RGMA: variants seen among roughly 807,000 people sequenced by gnomAD.
The protein encoded by RGMA is repulsive guidance molecule A.
RGMA carries 10 observed loss-of-function variants against 23.2 expected under a neutral mutation model. The observed-to-expected ratio is 0.43, with a 90% CI of 0.27 to 0.73. The LOEUF is 0.73. RGMA is among the 30% of genes least tolerant of loss of function. The pLI is 0.20. For missense variants in RGMA, 547 were observed against 630.5 expected (o/e 0.87, Z 1.42); for synonymous variants, 308 against 279.3 (o/e 1.10, Z -1.03).
intron 1 of RGMA, among the ~76,000 whole-genome samples, chr15:93,086,399 G>T (rs916248423): frequency 6.6e-6 from 1 of 152,210 alleles, no homozygotes; most frequent in African/African-American, 2.4e-5. Flanking sequence ...CAGGCTTCTT[G>T]ATGGATCGGT....
At chr15:93,066,765 G>A (rs1471904996) in intron 2 of RGMA, among the ~76,000 whole-genome samples, 1 of 152,142 alleles carries the variant, frequency 6.6e-6, no homozygotes, top group Non-Finnish European at 1.5e-5. Context: ...CACCCGCCTC[G>A]GCCTCCCAAA....
intron 2 of RGMA, among the ~76,000 whole-genome samples, chr15:93,057,008 TC>T (rs1165239332): frequency 2.0e-5 from 3 of 152,070 alleles, no homozygotes; most frequent in Admixed American, 1.3e-4. Flanking sequence ...CTGGTGAAGC[TC>T]CAGCAGATGT....
chr15:93,038,589 A>C lies in RGMA; in HGVS notation c.*6409T>G, dbSNP rs1196766263. The C allele has an allele frequency of 1.9e-5, 1 of 52,820 alleles. No individual in the cohort carries two copies. Among genetic ancestry groups the C allele is most frequent in the South Asian group, 3.9e-4 (1 of 2,588 alleles). The allele number at this position is 52,820 out of a possible 1,614,324, so 3.3% of individuals were successfully genotyped here. A position where few individuals can be genotyped will look rare whatever the true frequency, so the allele number is the denominator to read the frequency against. ...TAGTTGTTTTTTTTTTTTTTTTGAG[A>C]CGGTGTCTTGCTCTGTCGCCCAGGC... On this transcript the variant is annotated 3_prime_UTR_variant, in exon 4 of 4. Transcript: ENST00000329082.
rs565129238 is a variant in RGMA at position 93,044,689 on chromosome 15, C to T, written c.*309G>A. 2.4e-6 allele frequency: 1 copy of T among 417,144 alleles called. No homozygotes were observed. The highest frequency in any genetic ancestry group is 2.1e-5 in the African/African-American group (1 of 47,650). 25.8% of individuals were successfully genotyped at this position (417,144 alleles called of 1,614,324 possible). ...GACTCTGACGGTTCCCAGTGTGTCT[C>T]TGGTGGGGGTGGGGGGCTTCAGCCT... On this transcript the variant is annotated 3_prime_UTR_variant, in exon 4 of 4. Transcript: ENST00000329082.
intron 2 of RGMA, among the ~76,000 whole-genome samples, chr15:93,066,933 T>TC (rs1895175927): frequency 6.6e-6 from 1 of 152,228 alleles, no homozygotes; most frequent in Admixed American, 6.5e-5. Flanking sequence ...CGGGAAAACC[T>TC]CTCTGACCCT....
At chr15:93,066,518 G>A (rs947606987) in intron 2 of RGMA, 2 of 492,016 alleles carry the variant, frequency 4.1e-6, no homozygotes, top group Non-Finnish European at 7.7e-6. Context: ...AGGCGACTCC[G>A]CCCCTGCCAC....
chr15:93,064,360 T>A (rs1420780471), intron 2 of RGMA, among the ~76,000 whole-genome samples: 2 of 152,248 alleles, frequency 1.3e-5, no homozygotes, highest in East Asian at 3.8e-4. Context: ...ACTTTGGTCC[T>A]CCAGCTTTGA....
intron 2 of RGMA, among the ~76,000 whole-genome samples, chr15:93,060,897 G>A (rs1738673999): frequency 6.6e-6 from 1 of 152,226 alleles, no homozygotes; most frequent in Non-Finnish European, 1.5e-5. Context: ...AGTCACATAG[G>A]AAAGGCTGAA....
In RGMA at chr15:93,045,736, T is replaced by C; in HGVS notation, c.646-31A>G. ...GGGGAAAGGGGCAGAGGAGAGTGGG[T>C]GAGGCACAGTGGGAGGAGGCACAGC... On this transcript the variant is annotated intron_variant, in intron 3 of 3. Transcript: ENST00000329082. This position sits in a 1 kb window ranked among gnomAD's most constrained non-coding sequence, Gnocchi z 6.9. The C allele has an allele frequency of 6.6e-7, 1 of 1,511,270 alleles. No individual in the cohort carries two copies. Among genetic ancestry groups the C allele is most frequent in the East Asian group, 2.3e-5 (1 of 44,314 alleles). 93.6% of individuals were successfully genotyped at this position (1,511,270 alleles called of 1,614,324 possible). A position where few individuals can be genotyped will look rare whatever the true frequency, so the allele number is the denominator to read the frequency against.
Position 93,041,384 on chromosome 15 carries a change from C to G in RGMA, c.*3614G>C, listed in dbSNP as rs571526855. 1.2e-4 allele frequency: 19 copies of G among 152,370 alleles called. No homozygotes were observed. The highest frequency in any genetic ancestry group is 4.3e-4 in the African/African-American group (18 of 41,586). The allele number at this position is 152,370 out of a possible 1,614,324, so 9.4% of individuals were successfully genotyped here. ...ACCTCCAGAGGCTCCCAACCTAGCC[C>G]GTCCTGCAAGATGAAGCTGCTTCTT... is the stretch of plus-strand genomic sequence containing the variant. On this transcript the variant is annotated 3_prime_UTR_variant, in exon 4 of 4. Coordinates refer to ENST00000329082, the MANE Select transcript of RGMA (RefSeq NM_020211.3).
At position 93,052,391 on chromosome 15, in the gene RGMA, C is replaced by T. The variant is rs2054940503; in HGVS notation, c.247G>A (p.Ala83Thr). The change falls in exon 3 of 4, where the codon GCC (alanine) becomes ACC (threonine). Residue 83 changes from alanine (A) to threonine (T), a missense_variant. By Grantham distance (58) the Ala-to-Thr change is moderately conservative. Around this residue, in one of 3 missense-constraint regions of RGMA, gnomAD observed 214 missense variants for 234.7 expected, o/e 0.91. Transcript: ENST00000329082. ...PEFCAALRSY[A>T]LCTRRTARTC... ...CGGGCCGTCCGCCGCGTGCACAGGGCGTAGCTGCGCAAGGCTGCACAGAAC... is the reference window on the plus strand; with the variant it reads ...CGGGCCGTCCGCCGCGTGCACAGGGTGTAGCTGCGCAAGGCTGCACAGAAC... 4 of 1,599,710 alleles carry T rather than the reference C, an allele frequency of 2.5e-6. No homozygotes were observed. The highest frequency in any genetic ancestry group is 4.5e-5 in the East Asian group (2 of 44,848).
intron 1 of RGMA, among the ~76,000 whole-genome samples, chr15:93,082,766 T>C (rs1423408274): frequency 6.6e-6 from 1 of 152,284 alleles, no homozygotes; most frequent in African/African-American, 2.4e-5. Flanking sequence ...AATTAGATTA[T>C]GGAATTGTTT....
chr15:93,075,280 G>T (rs1895454103), intron 1 of RGMA, among the ~76,000 whole-genome samples: 1 of 151,466 alleles, frequency 6.6e-6, no homozygotes, highest in South Asian at 2.1e-4. Context: ...ACATACAGTA[G>T]TTTTTTTTTC....
chr15:93,081,893 C>T (rs1363702462), intron 1 of RGMA, among the ~76,000 whole-genome samples: 1 of 152,206 alleles, frequency 6.6e-6, no homozygotes, highest in Non-Finnish European at 1.5e-5. Context: ...CATTCACTTC[C>T]ACCATTGTTT....
chr15:93,056,718 GGTGTCTGGTTC>G (rs1268594344), intron 2 of RGMA, among the ~76,000 whole-genome samples: 49 of 152,226 alleles, frequency 3.2e-4, no homozygotes, highest in Non-Finnish European at 6.9e-4. Context: ...CCTGAAGGGA[GGTGTCTGGTTC>G]AAAGTCCCAC....
Position 93,052,380 on chromosome 15 carries a change from C to T in RGMA, c.258G>A (p.Thr86=), listed in dbSNP as rs56039462. 2.6e-5 allele frequency: 41 copies of T among 1,600,230 alleles called. No individual in the cohort carries two copies. In the African/African-American group the frequency reaches 2.9e-4, roughly 11 times the overall value. The part of the protein sequence containing the change: ...CAALRSYALC[T]RRTARTCRGD... Reference sequence around the variant, plus strand: ...CCCGGCAGGTGCGGGCCGTCCGCCGCGTGCACAGGGCGTAGCTGCGCAAGG... The same window carrying T: ...CCCGGCAGGTGCGGGCCGTCCGCCGTGTGCACAGGGCGTAGCTGCGCAAGG... Residue 86 remains threonine, a synonymous_variant, in exon 3 of 4, where the codon ACG becomes ACA. Coordinates refer to ENST00000329082, the MANE Select transcript of RGMA (RefSeq NM_020211.3).
Position 93,037,101 on chromosome 15 carries a change from A to C in RGMA, c.*7897T>G, listed in dbSNP as rs992294317. On this transcript the variant is annotated 3_prime_UTR_variant, in exon 4 of 4. Coordinates refer to ENST00000329082, the MANE Select transcript of RGMA (RefSeq NM_020211.3). The surrounding 1 kb of genome is among the most constrained non-coding windows in gnomAD (Gnocchi z 4.3). ...TGCCCTCGAGGTGGTCAGTAACGGG[A>C]GGGCTGAAGAGAACAGCGGCCAGTT... The C allele has an allele frequency of 6.6e-6, 1 of 152,132 alleles. No homozygotes were observed. The highest frequency in any genetic ancestry group is 2.4e-5 in the African/African-American group (1 of 41,404). 9.4% of individuals were successfully genotyped at this position (152,132 alleles called of 1,614,324 possible).
At chr15:93,064,049 C>A (rs756613014) in intron 2 of RGMA, among the ~76,000 whole-genome samples, 5 of 152,234 alleles carry the variant, frequency 3.3e-5, no homozygotes, top group Non-Finnish European at 7.3e-5. Flanking sequence ...CCTCAGCTTT[C>A]CACACTACCC....
intron 2 of RGMA, among the ~76,000 whole-genome samples, chr15:93,070,557 C>G (rs527268236): frequency 4.3e-4 from 65 of 152,354 alleles, no homozygotes; most frequent in African/African-American, 1.5e-3. Context: ...GACAGTCTCT[C>G]TCTGTTGTGG....
Sources: gnomAD v4.1 joint callset for allele counts (sites outside exome capture counted in the v4.1 genomes callset) on GRCh38, gnomAD v4.1.1 for gene constraint, gnomAD v4.1.1 regional missense constraint, Gnocchi (gnomAD v3.1) non-coding constraint, MANE v1.5 for transcripts, NCBI Gene and HGNC (gene_info 2026-07-23, HGNC 2026-07-21) for gene names.